C12orf42: variants seen among roughly 807,000 people sequenced by gnomAD.
C12orf42 encodes chromosome 12 open reading frame 42.
A neutral mutation model predicts 21.6 loss-of-function variants in C12orf42; 25 were observed. The observed-to-expected ratio is 1.16, with a 90% CI of 0.84 to 1.62. C12orf42 has a LOEUF of 1.62. Ranked by LOEUF, C12orf42 falls within the 40% of genes most tolerant of loss-of-function variation. C12orf42 has a pLI of 0.00. For synonymous variants in C12orf42, 174 were observed against 175.0 expected, an observed-to-expected ratio of 0.99 and a Z score of 0.05; for missense variants, 483 against 459.3, an observed-to-expected ratio of 1.05 and a Z score of -0.47.
chr12:103,500,929 T>G (rs145922113), upstream of C12orf42, among the ~76,000 whole-genome samples: 443 of 152,340 alleles, frequency 2.9e-3, 4 homozygotes, highest in South Asian at 0.033. Context: ...AGAAAGGCAT[T>G]TGCTAGTCGC....
At position 103,471,512 on chromosome 12, in the gene C12orf42, T is replaced by C. The variant is rs12302837; in HGVS notation, c.78+6837A>G. ...TTGTATGTTAAGCAGTTTGCTTACA[T>C]TGATTTAGCATCTTGATTGTATGAG... On this transcript the variant is annotated intron_variant, in intron 2 of 5. Transcript: ENST00000548883. Among the ~76,000 whole-genome samples the C allele has an allele frequency of 5.3e-3, 815 of 152,376 alleles. 12 individuals carry two copies. Among genetic ancestry groups the C allele is most frequent in the African/African-American group, 0.019 (786 of 41,578 alleles).
At chr12:103,401,343 C>T (rs1255433381) in intron 3 of C12orf42, among the ~76,000 whole-genome samples, 1 of 152,148 alleles carries the variant, frequency 6.6e-6, no homozygotes, top group East Asian at 1.9e-4. Context: ...GATTTCTATT[C>T]TTGGACATCA....
At chr12:103,388,061 C>A (rs1188964755) in intron 3 of C12orf42, among the ~76,000 whole-genome samples, 1 of 152,190 alleles carries the variant, frequency 6.6e-6, no homozygotes, top group African/African-American at 2.4e-5. Context: ...CCAATTATTT[C>A]AAATGTTAAA....
At chr12:103,131,365 T>A in the C12orf42 span, among the ~76,000 whole-genome samples, 1 of 152,314 alleles carries the variant, frequency 6.6e-6, no homozygotes, top group South Asian at 2.1e-4. Context: ...AATTATGAAT[T>A]TACTATATTT....
intron 4 of C12orf42, among the ~76,000 whole-genome samples, chr12:103,360,930 T>C (rs1249591956): frequency 1.3e-5 from 2 of 152,138 alleles, no homozygotes; most frequent in Non-Finnish European, 2.9e-5. Flanking sequence ...AATGAGGCTC[T>C]GGATTCCAGT....
the C12orf42 span, among the ~76,000 whole-genome samples, chr12:103,119,181 T>A: frequency 6.6e-6 from 1 of 152,256 alleles, no homozygotes; most frequent in African/African-American, 2.4e-5. Context: ...AGTACTGTTC[T>A]CTTTATTTAC....
the C12orf42 span, among the ~76,000 whole-genome samples, chr12:103,094,799 T>C: frequency 4.6e-5 from 7 of 152,288 alleles, no homozygotes; most frequent in East Asian, 1.4e-3. Flanking sequence ...GTTTGTGTCA[T>C]GTGTCCGGTT....
At chr12:103,469,352 T>C (rs1953403029) in intron 2 of C12orf42, among the ~76,000 whole-genome samples, 2 of 152,252 alleles carry the variant, frequency 1.3e-5, no homozygotes, top group Non-Finnish European at 2.9e-5. Flanking sequence ...ACATTCATTA[T>C]AGATTTTTGA....
At chr12:103,444,668 A>C (rs546038690) in intron 2 of C12orf42, among the ~76,000 whole-genome samples, 1 of 152,186 alleles carries the variant, frequency 6.6e-6, no homozygotes, top group South Asian at 2.1e-4. Flanking sequence ...TTGAAAACTT[A>C]ACTAGAATTT....
chr12:103,206,583 T>C, the C12orf42 span, among the ~76,000 whole-genome samples: 4 of 151,640 alleles, frequency 2.6e-5, no homozygotes, highest in African/African-American at 9.7e-5. Flanking sequence ...ACAGAGAAAC[T>C]AACAAACTTA....
chr12:103,546,159 G>C, the C12orf42 span, among the ~76,000 whole-genome samples: 1 of 152,320 alleles, frequency 6.6e-6, no homozygotes, highest in East Asian at 1.9e-4. Context: ...AGAATAGGTA[G>C]GAGTTAAACT....
intron 2 of C12orf42, among the ~76,000 whole-genome samples, chr12:103,412,456 G>A (rs907164921): frequency 2.0e-5 from 3 of 152,176 alleles, no homozygotes; most frequent in African/African-American, 7.2e-5. Flanking sequence ...ATCACCTGGG[G>A]TCAGGAGTTC....
chr12:103,147,601 C>A, the C12orf42 span, among the ~76,000 whole-genome samples: 1 of 119,026 alleles, frequency 8.4e-6, no homozygotes, highest in African/African-American at 3.2e-5. Flanking sequence ...ACCCACAGTA[C>A]TTTGCCACTT....
chr12:103,245,195 A>G (rs2033950897), intron 10 of C12orf42, among the ~76,000 whole-genome samples: 1 of 152,154 alleles, frequency 6.6e-6, no homozygotes, highest in Admixed American at 6.6e-5. Context: ...AAGAAAATTC[A>G]GTTGGAAACA....
intron 4 of C12orf42, among the ~76,000 whole-genome samples, chr12:103,294,398 A>C (rs1275560184): frequency 6.9e-6 from 1 of 144,586 alleles, no homozygotes. Context: ...AAAAAGAAAG[A>C]AAGAAAGAAA....
At chr12:103,129,247 C>T in the C12orf42 span, among the ~76,000 whole-genome samples, 1 of 152,092 alleles carries the variant, frequency 6.6e-6, no homozygotes, top group Non-Finnish European at 1.5e-5. Flanking sequence ...CTTGGCACTA[C>T]AGGGAAAGAG....
the C12orf42 span, among the ~76,000 whole-genome samples, chr12:103,171,794 C>T: frequency 6.6e-6 from 1 of 151,984 alleles, no homozygotes; most frequent in Non-Finnish European, 1.5e-5. Context: ...AAGTCTTCTC[C>T]CTCTTCTCTA....
intron 2 of C12orf42, among the ~76,000 whole-genome samples, chr12:103,469,901 A>G (rs1008823495): frequency 6.6e-6 from 1 of 152,200 alleles, no homozygotes; most frequent in African/African-American, 2.4e-5. Flanking sequence ...TTTTCAGTTT[A>G]TGTGTACAAA....
At chr12:103,147,503 C>CTTTTTTTTTTTTTTT in the C12orf42 span, among the ~76,000 whole-genome samples, 4 of 99,966 alleles carry the variant, frequency 4.0e-5, no homozygotes, top group Non-Finnish European at 7.8e-5. Flanking sequence ...CTTTTTTTTT[C>CTTTTTTTTTTTTTTT]TTTTTTTTTT....
Sources: gnomAD v4.1 joint callset for allele counts (sites outside exome capture counted in the v4.1 genomes callset) on GRCh38, gnomAD v4.1.1 for gene constraint, MANE v1.5 for transcripts, NCBI Gene and HGNC (gene_info 2026-07-23, HGNC 2026-07-21) for gene names.